Variants in ADGRB1 observed in about 807,000 individuals in gnomAD.
ADGRB1 encodes the protein adhesion G protein-coupled receptor B1, also known as brain-specific angiogenesis inhibitor 1.
A neutral mutation model predicts 175.7 loss-of-function variants in ADGRB1; 36 were observed. The observed-to-expected ratio is 0.20, with a 90% CI of 0.16 to 0.27. The LOEUF (loss-of-function observed/expected upper bound fraction) is 0.27. ADGRB1 is among the 10% of genes least tolerant of loss of function. ADGRB1 has a pLI of 1.00. For synonymous variants in ADGRB1, 1,054 were observed against 979.4 expected, an observed-to-expected ratio of 1.08 and a Z score of -1.42; for missense variants, 1,731 against 2,255.3, an observed-to-expected ratio of 0.77 and a Z score of 4.71.
chr8:142,452,718 G>A (rs1208779430), intron 1 of ADGRB1, among the ~76,000 whole-genome samples: 1 of 152,152 alleles, frequency 6.6e-6, no homozygotes, highest in Non-Finnish European at 1.5e-5. Flanking sequence ...CCCAGGGAGG[G>A]CCTAGCAAGC....
chr8:142,471,845 G>T (rs2131743463), intron 2 of ADGRB1, among the ~76,000 whole-genome samples: 1 of 152,340 alleles, frequency 6.6e-6, no homozygotes, highest in Admixed American at 6.5e-5. Flanking sequence ...AGGCCACCAG[G>T]CGCCCCATCC....
intron 4 of ADGRB1, 144 bp downstream of exon 4, chr8:142,476,839 C>T (rs1017392182): frequency 2.0e-6 from 2 of 999,050 alleles, no homozygotes; most frequent in African/African-American, 1.6e-5. Context: ...TGTCTCCTGA[C>T]TGCCTGGCAT....
At chr8:142,507,627 C>T (rs534729639) in intron 17 of ADGRB1, among the ~76,000 whole-genome samples, 101 of 152,344 alleles carry the variant, frequency 6.6e-4, no homozygotes, top group East Asian at 2.3e-3. Context: ...GGACAGCTGT[C>T]GGCCTGGCGC....
At chr8:142,490,836 T>G (rs1260355713) in intron 17 of ADGRB1, 21 bp downstream of exon 17, 1 of 1,570,260 alleles carries the variant, frequency 6.4e-7, no homozygotes, top group Non-Finnish European at 8.6e-7. Context: ...TTGGATTTCA[T>G]GGCCGTGGGG....
rs916644973 is a variant in ADGRB1, at chr8:142,474,254, C to T, written c.785-1220C>T. Among the ~76,000 whole-genome samples, 5 of 152,108 alleles carry T rather than the reference C, an allele frequency of 3.3e-5. No homozygotes were observed. The highest frequency in any genetic ancestry group is 9.7e-5 in the African/African-American group (4 of 41,422). On this transcript the variant is annotated intron_variant, in intron 2 of 30. Transcript: ENST00000517894. This position sits in a 1 kb window ranked among gnomAD's most constrained non-coding sequence, Gnocchi z 5.8. ...GCCTGTGCTTGGCCTGATTGCTGCC[C>T]CTGGGGCCTCCCCTGCTGTACCTGG...
rs776321915 is a variant in ADGRB1, at chr8:142,489,333, C to T, written c.2529-3C>T. 1.2e-6 allele frequency: 2 copies of T among 1,612,732 alleles called. No homozygotes were observed. The highest frequency in any genetic ancestry group is 1.7e-6 in the Non-Finnish European group (2 of 1,179,732). On this transcript the variant is annotated splice_region_variant and splice_polypyrimidine_tract_variant and intron_variant, in intron 15 of 30. Transcript: ENST00000517894. ...CCGACACCTGTGCCTCTGGCTCTTG[C>T]AGGAACACGACCGTCCTGAATTCTA...
intron 2 of ADGRB1, among the ~76,000 whole-genome samples, chr8:142,475,120 G>A (rs988961727): frequency 6.6e-6 from 1 of 152,192 alleles, no homozygotes; most frequent in Non-Finnish European, 1.5e-5. Flanking sequence ...CCAGGAACCA[G>A]AGCCTTGGAG....
At position 142,537,510 on chromosome 8, in the gene ADGRB1, C is replaced by A. The variant is rs1248459531; in HGVS notation, c.3666+428C>A. Among the ~76,000 whole-genome samples the A allele has an allele frequency of 6.6e-6, 1 of 152,028 alleles. No individual in the cohort carries two copies. Among genetic ancestry groups the A allele is most frequent in the South Asian group, 2.1e-4 (1 of 4,836 alleles). ...GTCCAGCCTAGCCTGCCCATCCCCT[C>A]CCCCTACCCCGCATATTCCCACCTG... On this transcript the variant is annotated intron_variant, in intron 26 of 30. Coordinates refer to ENST00000517894, the MANE Select transcript of ADGRB1 (RefSeq NM_001702.3). The surrounding 1 kb of genome is among the most constrained non-coding windows in gnomAD (Gnocchi z 4.6).
At chr8:142,467,923 G>C (rs946215320) in intron 2 of ADGRB1, among the ~76,000 whole-genome samples, 6 of 152,236 alleles carry the variant, frequency 3.9e-5, no homozygotes, top group African/African-American at 7.2e-5. Flanking sequence ...CTTAGGCAGG[G>C]AGACTCTAGA....
intron 24 of ADGRB1, among the ~76,000 whole-genome samples, chr8:142,532,582 G>A (rs1844687831): frequency 6.6e-6 from 1 of 152,108 alleles, no homozygotes; most frequent in Non-Finnish European, 1.5e-5. Context: ...CTGTCAGTCT[G>A]TCTGTTGCCG....
In ADGRB1 at chr8:142,544,203, C is replaced by T; in HGVS notation, c.4558-17C>T. ...CCTCCGGGCCCCACCCCTCCTGCACCACGGGCCACCCAGCAGCCGGAAAAG... is the reference window on the plus strand; with the variant it reads ...CCTCCGGGCCCCACCCCTCCTGCACTACGGGCCACCCAGCAGCCGGAAAAG... On this transcript the variant is annotated splice_polypyrimidine_tract_variant and intron_variant, in intron 30 of 30. Coordinates refer to ENST00000517894, the MANE Select transcript of ADGRB1 (RefSeq NM_001702.3). 1 of 1,547,910 alleles carries T rather than the reference C, an allele frequency of 6.5e-7. No homozygotes were observed. Among genetic ancestry groups the T allele is most frequent in the East Asian group, 2.4e-5 (1 of 40,902 alleles).
chr8:142,469,221 C>A (rs899281216), intron 2 of ADGRB1, among the ~76,000 whole-genome samples: 2 of 142,950 alleles, frequency 1.4e-5, no homozygotes, highest in East Asian at 2.2e-4. Context: ...GTGTGCATAT[C>A]TGTGAATGTG....
At position 142,455,131 on chromosome 8, in the gene ADGRB1, C is replaced by T. The variant is rs1314900665; in HGVS notation, c.-220+5027C>T. 4.2e-5 allele frequency among the ~76,000 whole-genome samples: 6 copies of T among 142,868 alleles called. No individual in the cohort carries two copies. The South Asian group carries it at 1.5e-3, about 36-fold the overall frequency. The allele number at this position is 142,868 out of a possible 152,430, so 93.7% of individuals were successfully genotyped here. ...CACCCCATCACCCCCACCACCATTGCCCCCGAGGCTACCTCAGCCGCACCC... is the reference window on the plus strand; with the variant it reads ...CACCCCATCACCCCCACCACCATTGTCCCCGAGGCTACCTCAGCCGCACCC... On this transcript the variant is annotated intron_variant, in intron 1 of 30. Coordinates refer to ENST00000517894, the MANE Select transcript of ADGRB1 (RefSeq NM_001702.3). This position sits in a 1 kb window ranked among gnomAD's most constrained non-coding sequence, Gnocchi z 4.9.
At chr8:142,478,158 G>A (rs780364434) in intron 6 of ADGRB1, 29 bp from the exon 7 acceptor site, 134 of 1,582,922 alleles carry the variant, frequency 8.5e-5, no homozygotes, top group Middle Eastern at 1.7e-4. Context: ...GGGTGTTCAC[G>A]CCCACTTTGT....
chr8:142,481,106 G>C (rs1841310656), intron 9 of ADGRB1, 148 bp from the exon 10 acceptor site: 1 of 685,876 alleles, frequency 1.5e-6, no homozygotes, highest in Non-Finnish European at 2.6e-6. Flanking sequence ...GTCCCTGCGT[G>C]GACTCTGCTC....
intron 19 of ADGRB1, among the ~76,000 whole-genome samples, 196 bp from the exon 20 acceptor site, chr8:142,520,627 G>A (rs1843780617): frequency 1.3e-5 from 2 of 151,960 alleles, no homozygotes; most frequent in Admixed American, 1.3e-4. Context: ...TGGTGATGGT[G>A]GTGATGATTG....
In ADGRB1 at chr8:142,490,804, T is replaced by C. The variant is rs1471684322; in HGVS notation, c.2664T>C (p.Asp888=). The C allele has an allele frequency of 3.2e-6, 5 of 1,583,886 alleles. No individual in the cohort carries two copies. Among genetic ancestry groups the C allele is most frequent in the Non-Finnish European group, 4.3e-6 (5 of 1,164,752 alleles). The change falls in exon 17 of 31, where the codon GAT becomes GAC. Residue 888 remains aspartate, a synonymous_variant. Coordinates refer to ENST00000517894, the MANE Select transcript of ADGRB1 (RefSeq NM_001702.3). Reference sequence around the variant, plus strand: ...CCAACCAGACCTGTATCCTGTGGGATGAGACGGATGTGTAAGTTCACTTGG... The same window carrying C: ...CCAACCAGACCTGTATCCTGTGGGACGAGACGGATGTGTAAGTTCACTTGG... The part of the protein sequence containing the change: ...GTTNQTCILW[D]ETDVPSSSAP...
intron 20 of ADGRB1, among the ~76,000 whole-genome samples, chr8:142,521,187 C>T (rs1484573838): frequency 6.6e-6 from 1 of 152,214 alleles, no homozygotes; most frequent in Non-Finnish European, 1.5e-5. Flanking sequence ...GAGCCTGCTG[C>T]AGCCCTGCCC....
chr8:142,540,645 G>T (rs928475143), intron 27 of ADGRB1, among the ~76,000 whole-genome samples: 1 of 152,182 alleles, frequency 6.6e-6, no homozygotes, highest in Non-Finnish European at 1.5e-5. Context: ...CGTGCCAGGC[G>T]CTCGTTCTGC....
Sources: gnomAD v4.1 joint callset for allele counts (sites outside exome capture counted in the v4.1 genomes callset) on GRCh38, gnomAD v4.1.1 for gene constraint, Gnocchi (gnomAD v3.1) non-coding constraint, MANE v1.5 for transcripts, NCBI Gene and HGNC (gene_info 2026-07-23, HGNC 2026-07-21) for gene names.